SLC35F4: variants seen among roughly 807,000 people sequenced by gnomAD.
SLC35F4 encodes solute carrier family 35 member F4.
SLC35F4 carries 24 observed loss-of-function variants against 44.2 expected under a neutral mutation model. The ratio of observed to expected loss-of-function variants is 0.54; its 90% CI spans 0.39 to 0.76. The LOEUF (loss-of-function observed/expected upper bound fraction) is 0.76. Among genes scored for constraint, SLC35F4 ranks in the 30% least tolerant of loss-of-function variants. The pLI, the probability that SLC35F4 is intolerant of heterozygous loss-of-function variation, is 0.00. For missense variants in SLC35F4, 562 were observed against 586.1 expected, an observed-to-expected ratio of 0.96 and a Z score of 0.42; for synonymous variants, 238 against 223.6, an observed-to-expected ratio of 1.06 and a Z score of -0.57.
At chr14:57,703,842 G>C (rs2075603986) in intron 1 of SLC35F4, among the ~76,000 whole-genome samples, 1 of 151,984 alleles carries the variant, frequency 6.6e-6, no homozygotes, top group South Asian at 2.1e-4. Flanking sequence ...TACTTTATCA[G>C]CTTGAAAACA....
At chr14:57,795,487 C>G (rs1210036919) in intron 1 of SLC35F4, among the ~76,000 whole-genome samples, 1 of 152,170 alleles carries the variant, frequency 6.6e-6, no homozygotes, top group Non-Finnish European at 1.5e-5. Flanking sequence ...GCCAACTTTA[C>G]ATATTCAAAT....
intron 1 of SLC35F4, among the ~76,000 whole-genome samples, chr14:57,895,759 A>T (rs535197114): frequency 2.0e-5 from 3 of 150,530 alleles, no homozygotes; most frequent in African/African-American, 7.5e-5. Flanking sequence ...TTTTATTCAT[A>T]AATTACCCAG....
chr14:57,602,994 C>A (rs2070920964), intron 1 of SLC35F4, among the ~76,000 whole-genome samples: 1 of 152,176 alleles, frequency 6.6e-6, no homozygotes, highest in Non-Finnish European at 1.5e-5. Flanking sequence ...CTTACCTTGT[C>A]CAGACCTAGA....
At chr14:57,969,447 G>A (rs1880985726) in intron 1 of SLC35F4, among the ~76,000 whole-genome samples, 1 of 152,058 alleles carries the variant, frequency 6.6e-6, no homozygotes, top group South Asian at 2.1e-4. Context: ...ATTTATTGAT[G>A]TTTAATATTA....
intron 1 of SLC35F4, among the ~76,000 whole-genome samples, chr14:57,877,423 T>C (rs1888420654): frequency 6.6e-6 from 1 of 152,216 alleles, no homozygotes. Flanking sequence ...TCTAGGTTTA[T>C]TCCATGTCTG....
intron 1 of SLC35F4, among the ~76,000 whole-genome samples, chr14:57,738,100 T>C (rs41389950): frequency 0.017 from 2,579 of 152,280 alleles, 80 homozygotes; most frequent in African/African-American, 0.059. Context: ...ATCTAGGAAG[T>C]AAAATGCCCA....
chr14:57,981,107 A>G (rs1307682989), intron 1 of SLC35F4, among the ~76,000 whole-genome samples: 1 of 152,182 alleles, frequency 6.6e-6, no homozygotes, highest in Non-Finnish European at 1.5e-5. Flanking sequence ...CTGAAGCCAA[A>G]GACAACAGCC....
At chr14:57,775,132 C>T (rs565325901) in intron 1 of SLC35F4, among the ~76,000 whole-genome samples, 1 of 152,250 alleles carries the variant, frequency 6.6e-6, no homozygotes, top group African/African-American at 2.4e-5. Flanking sequence ...CCCACCAGCA[C>T]CCCACCCCTG....
chr14:57,917,027 T>G (rs1889342337), intron 1 of SLC35F4, among the ~76,000 whole-genome samples: 1 of 152,048 alleles, frequency 6.6e-6, no homozygotes, highest in Non-Finnish European at 1.5e-5. Flanking sequence ...TTTTGTTTGT[T>G]TGTTTGTTTT....
chr14:57,922,840 T>C (rs1176664791), intron 1 of SLC35F4, among the ~76,000 whole-genome samples: 2 of 152,222 alleles, frequency 1.3e-5, no homozygotes, highest in Non-Finnish European at 2.9e-5. Flanking sequence ...CCCTTCTTCC[T>C]CTAACATAGC....
chr14:57,968,509 C>A (rs1043053379), intron 1 of SLC35F4, among the ~76,000 whole-genome samples: 2 of 152,238 alleles, frequency 1.3e-5, no homozygotes, highest in Non-Finnish European at 2.9e-5. Flanking sequence ...AATAGTGCTG[C>A]AAGTGCAATA....
chr14:57,712,302 G>C (rs2075835176), intron 1 of SLC35F4, among the ~76,000 whole-genome samples: 1 of 152,204 alleles, frequency 6.6e-6, no homozygotes, highest in South Asian at 2.1e-4. Flanking sequence ...ACAGTATGAG[G>C]TTGTTTTCAC....
intron 1 of SLC35F4, among the ~76,000 whole-genome samples, chr14:57,783,556 G>A (rs944400300): frequency 6.6e-6 from 1 of 152,168 alleles, no homozygotes; most frequent in Non-Finnish European, 1.5e-5. Flanking sequence ...AACTCCAGAA[G>A]TTTGAAGGGA....
chr14:57,846,160 C>T (rs919357998), intron 1 of SLC35F4, among the ~76,000 whole-genome samples: 3 of 152,084 alleles, frequency 2.0e-5, no homozygotes, highest in Non-Finnish European at 4.4e-5. Context: ...GATAATCTGC[C>T]TCAACTAAAA....
At chr14:57,867,266 T>G (rs1368449241), upstream of SLC35F4, among the ~76,000 whole-genome samples, 2 of 152,176 alleles carry the variant, frequency 1.3e-5, no homozygotes, top group Non-Finnish European at 2.9e-5. Context: ...GTGTGGGCCC[T>G]TAAGAAGGAA....
At chr14:57,885,030 T>C (rs1300864056) in intron 1 of SLC35F4, among the ~76,000 whole-genome samples, 1 of 152,174 alleles carries the variant, frequency 6.6e-6, no homozygotes, top group East Asian at 1.9e-4. Context: ...TTTTTATTAC[T>C]TTGCAACTTT....
chr14:57,682,769 T>C (rs973926998), intron 1 of SLC35F4, among the ~76,000 whole-genome samples: 3 of 152,136 alleles, frequency 2.0e-5, no homozygotes, highest in Admixed American at 6.6e-5. Flanking sequence ...GAATCCTAGT[T>C]CCTCCACTTA....
intron 1 of SLC35F4, among the ~76,000 whole-genome samples, chr14:57,877,465 C>T (rs890968412): frequency 6.6e-6 from 1 of 152,104 alleles, no homozygotes; most frequent in Non-Finnish European, 1.5e-5. Context: ...TGAACATACA[C>T]AAGCATGTTC....
intron 1 of SLC35F4, among the ~76,000 whole-genome samples, chr14:57,845,731 G>A (rs1408618544): frequency 6.6e-6 from 1 of 151,712 alleles, no homozygotes; most frequent in East Asian, 1.9e-4. Context: ...TTTACATCAA[G>A]TGTAAATATT....
Sources: allele counts gnomAD v4.1 joint callset (sites outside exome capture counted in the v4.1 genomes callset), GRCh38; gene constraint gnomAD v4.1.1; transcripts MANE v1.5; gene names NCBI Gene and HGNC (gene_info 2026-07-23, HGNC 2026-07-21).